Variants in NDST4 observed in about 807,000 individuals in gnomAD.
The protein encoded by NDST4 is N-heparan sulfate sulfotransferase 4.
In NDST4, 63 loss-of-function variants were observed where a neutral mutation model predicts 100.8. That is an observed-to-expected ratio of 0.62 (90% confidence interval 0.51 to 0.77). The LOEUF is 0.77. Ranked by LOEUF, NDST4 falls within the 30% of genes least tolerant of loss-of-function variation. The pLI is 0.00. For synonymous variants in NDST4, 377 were observed against 361.8 expected, an observed-to-expected ratio of 1.04 and a Z score of -0.48; for missense variants, 943 against 1,018.4, an observed-to-expected ratio of 0.93 and a Z score of 1.01.
At chr4:114,960,705 C>A (rs1246848393) in intron 4 of NDST4, among the ~76,000 whole-genome samples, 1 of 151,816 alleles carries the variant, frequency 6.6e-6, no homozygotes, top group Non-Finnish European at 1.5e-5. Context: ...ATGACTATAA[C>A]AAGTGTAAAT....
intron 3 of NDST4, 88 bp downstream of exon 3, chr4:114,977,099 G>T (rs944879504): frequency 2.5e-6 from 2 of 788,942 alleles, no homozygotes; most frequent in African/African-American, 1.8e-5. Flanking sequence ...TAATCAATCT[G>T]GAGAATCTAT....
chr4:114,897,846 C>T (rs1578373763), intron 6 of NDST4, among the ~76,000 whole-genome samples: 1 of 152,086 alleles, frequency 6.6e-6, no homozygotes, highest in East Asian at 1.9e-4. Flanking sequence ...TTCTTATTTG[C>T]CATCTGTATA....
In NDST4 at chr4:114,867,218, A is replaced by T. The variant is rs556917629; in HGVS notation, c.1719+3550T>A. ...GTCAGTATTCCTTCATTCCTTCAAC[A>T]GACACATACTAATAGAATCTACAGT... On this transcript the variant is annotated intron_variant, in intron 7 of 13. Transcript: ENST00000264363. 4.6e-5 allele frequency among the ~76,000 whole-genome samples: 7 copies of T among 152,290 alleles called. No homozygotes were observed. The East Asian group carries it at 1.4e-3, about 29-fold the overall frequency.
At chr4:114,981,745 G>T (rs573050278) in intron 2 of NDST4, among the ~76,000 whole-genome samples, 1 of 152,052 alleles carries the variant, frequency 6.6e-6, no homozygotes, top group East Asian at 1.9e-4. Context: ...TAAATCATTT[G>T]GATATTAGGT....
At chr4:114,958,483 C>A (rs1257752398) in intron 4 of NDST4, among the ~76,000 whole-genome samples, 1 of 152,186 alleles carries the variant, frequency 6.6e-6, no homozygotes, top group African/African-American at 2.4e-5. Flanking sequence ...GACCAATCAT[C>A]TCCATCAAAC....
At chr4:114,976,608 T>C (rs1459415837) in intron 3 of NDST4, among the ~76,000 whole-genome samples, 10 of 151,934 alleles carry the variant, frequency 6.6e-5, no homozygotes, top group Non-Finnish European at 1.3e-4. Flanking sequence ...TGTGGCTGGA[T>C]AGAGATGGAA....
intron 2 of NDST4, among the ~76,000 whole-genome samples, chr4:114,980,407 C>T (rs540554194): frequency 1.3e-5 from 2 of 152,198 alleles, no homozygotes; most frequent in Admixed American, 6.5e-5. Context: ...TTTGGGACGC[C>T]GAGGCAGGTG....
intron 7 of NDST4, among the ~76,000 whole-genome samples, chr4:114,866,958 G>A (rs1245955040): frequency 1.3e-5 from 2 of 152,132 alleles, no homozygotes; most frequent in South Asian, 2.1e-4. Context: ...TAGAGTTGAT[G>A]ATAATAGTAT....
At chr4:115,081,086 G>A (rs1729292035) in intron 1 of NDST4, among the ~76,000 whole-genome samples, 1 of 144,004 alleles carries the variant, frequency 6.9e-6, no homozygotes, top group South Asian at 2.2e-4. Flanking sequence ...TAATGCAATA[G>A]TGAAAAATAA....
chr4:114,867,677 A>T (rs1724062681), intron 7 of NDST4, among the ~76,000 whole-genome samples: 1 of 146,562 alleles, frequency 6.8e-6, no homozygotes, highest in Admixed American at 6.7e-5. Flanking sequence ...AAAAAAAAAA[A>T]AAAAAGAAAG....
rs572117028 is a variant in NDST4 at position 114,877,925 on chromosome 4, C to CA, written c.1537-6976dup. Among the ~76,000 whole-genome samples, 22 of 129,818 alleles carry CA rather than the reference C, an allele frequency of 1.7e-4. No homozygotes were observed. In the East Asian group the frequency reaches 4.8e-3, roughly 28 times the overall value. The allele number at this position is 129,818 out of a possible 152,430, so 85.2% of individuals were successfully genotyped here. ...TGAGATCATGCCACTGCATTACAGC[C>CA]AAAAAATGAGAAGTAAGAGAAAGAG... On this transcript the variant is annotated intron_variant, in intron 6 of 13. Transcript: ENST00000264363.
At chr4:114,998,793 T>G (rs1727219972) in intron 2 of NDST4, among the ~76,000 whole-genome samples, 1 of 152,090 alleles carries the variant, frequency 6.6e-6, no homozygotes, top group Non-Finnish European at 1.5e-5. Flanking sequence ...TTTTCCTTTT[T>G]GGCAAAGGAC....
chr4:115,090,957 T>A (rs1729508038), intron 1 of NDST4, among the ~76,000 whole-genome samples: 3 of 152,180 alleles, frequency 2.0e-5, no homozygotes, highest in Non-Finnish European at 4.4e-5. Context: ...GCTTGTATGG[T>A]TCCCTGCTTC....
At position 114,933,432 on chromosome 4, in the gene NDST4, C is replaced by CTTTTTTTTTTTTTTTTTTCTTT. The variant is rs1553955185; in HGVS notation, c.1536+1773_1536+1774insAAAGAAAAAAAAAAAAAAAAAA. On this transcript the variant is annotated intron_variant, in intron 6 of 13. Transcript: ENST00000264363. ...GACTGGGAATTGATTTTTTCTTTTC[C>CTTTTTTTTTTTTTTTTTTCTTT]TTTTTTTTTTTTTTTTTTTTTTGTG... Among the ~76,000 whole-genome samples the CTTTTTTTTTTTTTTTTTTCTTT allele has an allele frequency of 1.5e-4, 13 of 89,250 alleles. No homozygotes were observed. In the East Asian group the frequency reaches 2.2e-3, roughly 15 times the overall value. The allele number at this position is 89,250 out of a possible 152,430, so 58.6% of individuals were successfully genotyped here. A position where few individuals can be genotyped will look rare whatever the true frequency, so the allele number is the denominator to read the frequency against.
chr4:114,988,956 A>G (rs1726976291), intron 2 of NDST4, among the ~76,000 whole-genome samples: 1 of 152,198 alleles, frequency 6.6e-6, no homozygotes, highest in East Asian at 1.9e-4. Context: ...ATTTTTCTTT[A>G]CTTGGCAGAT....
chr4:115,036,644 C>G (rs911792238), intron 2 of NDST4, among the ~76,000 whole-genome samples: 1 of 151,828 alleles, frequency 6.6e-6, no homozygotes, highest in Non-Finnish European at 1.5e-5. Flanking sequence ...CCAAATTCCA[C>G]TCTGAGTTTT....
chr4:114,969,823 A>G (rs1048029404), intron 4 of NDST4, among the ~76,000 whole-genome samples: 1 of 152,208 alleles, frequency 6.6e-6, no homozygotes, highest in Non-Finnish European at 1.5e-5. Flanking sequence ...TCTTTGGCAT[A>G]TAACTAATAA....
At chr4:114,898,505 C>T (rs1349165373) in intron 6 of NDST4, among the ~76,000 whole-genome samples, 3 of 152,070 alleles carry the variant, frequency 2.0e-5, no homozygotes, top group Admixed American at 2.0e-4. Context: ...CAACTTATTC[C>T]TCCTCCTTCA....
chr4:114,977,256 T>A lies in NDST4; in HGVS notation c.997A>T (p.Asn333Tyr), dbSNP rs1222903239. 18 of 1,608,876 alleles carry A rather than the reference T, an allele frequency of 1.1e-5. No individual in the cohort carries two copies. The highest frequency in any genetic ancestry group is 1.4e-5 in the Non-Finnish European group (17 of 1,176,648). ...TTTGCAACCTGAGTGCGCAGTAAAT[T>A]TTGAGTCTCTAGTAATGCCTGAAAT... Reference protein sequence around the residue: ...KDVKALLETQNLLRTQVANFT... With the variant: ...KDVKALLETQYLLRTQVANFT... Residue 333 changes from asparagine (N) to tyrosine (Y), a missense_variant, in exon 3 of 14, where the codon AAT (asparagine) becomes TAT (tyrosine). Asn to Tyr is a moderately radical substitution (Grantham distance 143). Around this residue, in one of 2 missense-constraint regions of NDST4, gnomAD observed 417 missense variants for 384.2 expected, o/e 1.09. Transcript: ENST00000264363.
Sources: gnomAD v4.1 joint callset for allele counts (sites outside exome capture counted in the v4.1 genomes callset) on GRCh38, gnomAD v4.1.1 for gene constraint, gnomAD v4.1.1 regional missense constraint, MANE v1.5 for transcripts, NCBI Gene and HGNC (gene_info 2026-07-23, HGNC 2026-07-21) for gene names.